GALK2: variants seen among roughly 807,000 people sequenced by gnomAD.
GALK2 encodes the protein galactokinase 2.
In GALK2, 36 loss-of-function variants were observed where a neutral mutation model predicts 52.4. The ratio of observed to expected loss-of-function variants is 0.69; its 90% CI spans 0.53 to 0.91. The LOEUF is 0.91. GALK2 is among the 40% of genes least tolerant of loss of function. GALK2 has a pLI of 0.00. For missense variants in GALK2, 579 were observed against 559.1 expected, an observed-to-expected ratio of 1.04 and a Z score of -0.36; for synonymous variants, 176 against 199.1, an observed-to-expected ratio of 0.88 and a Z score of 0.98.
At position 49,330,013 on chromosome 15, in the gene GALK2, T is replaced by C. The variant is rs2038332592; in HGVS notation, c.*1854T>C. 6.5e-6 allele frequency: 1 copy of C among 153,086 alleles called. No homozygotes were observed. 9.5% of individuals were successfully genotyped at this position (153,086 alleles called of 1,614,324 possible). On this transcript the variant is annotated 3_prime_UTR_variant, in exon 10 of 10. Coordinates refer to ENST00000560031, the MANE Select transcript of GALK2 (RefSeq NM_002044.4). ...AAAGAACTATGTTTCAGTCTTACTA[T>C]CACTGTGTGGTATCTAGATATTATG...
At position 49,328,271 on chromosome 15, in the gene GALK2, CTAT is replaced by C; in HGVS notation, c.*116_*118del. The C allele has an allele frequency of 6.9e-7, 1 of 1,449,920 alleles. No homozygotes were observed. Among genetic ancestry groups the C allele is most frequent in the Non-Finnish European group, 9.1e-7 (1 of 1,101,798 alleles). 89.8% of individuals were successfully genotyped at this position (1,449,920 alleles called of 1,614,324 possible). ...TGTTTTGTATTATGATGAACGGTTG[CTAT>C]TATATCAAGATATATTTTCAAAGAA... On this transcript the variant is annotated 3_prime_UTR_variant, in exon 10 of 10. Transcript: ENST00000560031.
At chr15:49,160,016 G>A (rs939069790) in intron 1 of GALK2, among the ~76,000 whole-genome samples, 2 of 152,110 alleles carry the variant, frequency 1.3e-5, no homozygotes, top group Non-Finnish European at 2.9e-5. Context: ...GCTCGTGCTT[G>A]TAAACCCAGC....
At chr15:49,161,273 A>G (rs1472231846) in intron 1 of GALK2, among the ~76,000 whole-genome samples, 1 of 152,230 alleles carries the variant, frequency 6.6e-6, no homozygotes, top group Non-Finnish European at 1.5e-5. Context: ...TATTAAGTCT[A>G]GTCTGGAAAT....
intron 1 of GALK2, among the ~76,000 whole-genome samples, chr15:49,185,029 T>C (rs1192438769): frequency 1.3e-5 from 2 of 152,204 alleles, no homozygotes; most frequent in South Asian, 2.1e-4. Flanking sequence ...GCACCTTTGT[T>C]ATATGGGAAT....
At chr15:49,345,209 G>A (rs1315621327) in intron 3 of GALK2, among the ~76,000 whole-genome samples, 1 of 152,158 alleles carries the variant, frequency 6.6e-6, no homozygotes, top group Non-Finnish European at 1.5e-5. Context: ...TATTGGTATT[G>A]AAATCAAGAA....
At chr15:49,303,460 T>C (rs1377133034) in intron 8 of GALK2, among the ~76,000 whole-genome samples, 2 of 152,220 alleles carry the variant, frequency 1.3e-5, no homozygotes, top group African/African-American at 2.4e-5. Flanking sequence ...ACAAGGCTAA[T>C]GGTGACCATG....
chr15:49,321,991 T>C (rs2036912157), intron 9 of GALK2, among the ~76,000 whole-genome samples: 1 of 152,254 alleles, frequency 6.6e-6, no homozygotes, highest in Non-Finnish European at 1.5e-5. Flanking sequence ...CTTTTCATTC[T>C]GAGCTCTGTG....
intron 5 of GALK2, among the ~76,000 whole-genome samples, chr15:49,258,829 TGAGAGAGA>T (rs1200292800): frequency 1.6e-5 from 2 of 124,048 alleles, no homozygotes; most frequent in African/African-American, 6.4e-5. Context: ...TGTGTGTGTG[TGAGAGAGA>T]GAGAGAGAGA....
At chr15:49,268,691 G>T (rs762829745) in intron 5 of GALK2, among the ~76,000 whole-genome samples, 1 of 152,140 alleles carries the variant, frequency 6.6e-6, no homozygotes, top group Non-Finnish European at 1.5e-5. Context: ...GATCAGAAAT[G>T]ATCATCTTCT....
At chr15:49,308,031 C>T (rs1447416720) in intron 8 of GALK2, among the ~76,000 whole-genome samples, 1 of 152,194 alleles carries the variant, frequency 6.6e-6, no homozygotes, top group African/African-American at 2.4e-5. Flanking sequence ...AGAAGTTTAA[C>T]ATTTTTAAAA....
chr15:49,304,804 A>G (rs2035412116), intron 8 of GALK2, among the ~76,000 whole-genome samples: 1 of 152,238 alleles, frequency 6.6e-6, no homozygotes, highest in Non-Finnish European at 1.5e-5. Context: ...GACAATGAAT[A>G]TTGCTCTTGA....
chr15:49,179,362 G>A (rs1342482996), intron 1 of GALK2, among the ~76,000 whole-genome samples: 2 of 152,056 alleles, frequency 1.3e-5, no homozygotes, highest in Admixed American at 6.6e-5. Context: ...ATAACCAATT[G>A]TTCTTAAATT....
chr15:49,213,896 T>A lies in GALK2; in HGVS notation c.143-3294T>A, dbSNP rs190238780. On this transcript the variant is annotated intron_variant, in intron 2 of 9. Coordinates refer to ENST00000560031, the MANE Select transcript of GALK2 (RefSeq NM_002044.4). ...ACGTTGGCAGGTGGAGGCGGGTGGA[T>A]CATGGGGTCAGGAGATCGAGACCAT... is the stretch of plus-strand genomic sequence containing the variant. Among the ~76,000 whole-genome samples the A allele has an allele frequency of 4.1e-3, 628 of 152,182 alleles. 1 individual carries two copies. The highest frequency in any genetic ancestry group is 7.1e-3 in the Non-Finnish European group (480 of 68,000).
intron 2 of GALK2, among the ~76,000 whole-genome samples, chr15:49,205,439 G>GTATCACATTGTGGT (rs756916634): frequency 1.3e-5 from 2 of 152,138 alleles, no homozygotes; most frequent in African/African-American, 2.4e-5. Flanking sequence ...GAGTGAGGTG[G>GTATCACATTGTGGT]TATCACATTG....
intron 5 of GALK2, among the ~76,000 whole-genome samples, chr15:49,272,903 T>C (rs1461336555): frequency 1.3e-5 from 2 of 152,142 alleles, no homozygotes; most frequent in Admixed American, 1.3e-4. Flanking sequence ...GCAGATCAGT[T>C]AGGTTAAGGA....
At chr15:49,240,835 C>T (rs905163352) in intron 5 of GALK2, among the ~76,000 whole-genome samples, 2 of 88,090 alleles carry the variant, frequency 2.3e-5, no homozygotes, top group Non-Finnish European at 5.1e-5. Flanking sequence ...AGTGGGAAAC[C>T]ATTGCAGGGT....
At chr15:49,245,043 T>A (rs1197897340) in intron 5 of GALK2, among the ~76,000 whole-genome samples, 1 of 150,386 alleles carries the variant, frequency 6.6e-6, no homozygotes, top group Non-Finnish European at 1.5e-5. Flanking sequence ...AAATCAACCA[T>A]TTTTTTTTGC....
At chr15:49,296,118 A>G (rs566355036) in intron 8 of GALK2, among the ~76,000 whole-genome samples, 1 of 151,674 alleles carries the variant, frequency 6.6e-6, no homozygotes, top group South Asian at 2.1e-4. Flanking sequence ...ACTTTTATTT[A>G]TTTTCTTTTT....
chr15:49,270,208 T>G (rs891446491), intron 5 of GALK2, among the ~76,000 whole-genome samples: 2 of 152,204 alleles, frequency 1.3e-5, no homozygotes, highest in Admixed American at 6.5e-5. Context: ...AGTAGAAAAC[T>G]AGGACAAAAG....
Sources: allele counts gnomAD v4.1 joint callset (sites outside exome capture counted in the v4.1 genomes callset), GRCh38; gene constraint gnomAD v4.1.1; transcripts MANE v1.5; gene names NCBI Gene and HGNC (gene_info 2026-07-23, HGNC 2026-07-21).